The following TMTC1 variants were observed in gnomAD, a reference collection of about 807,000 sequenced individuals.
The protein encoded by TMTC1 is protein O-mannosyl-transferase TMTC1.
In TMTC1, 73 loss-of-function variants were observed where a neutral mutation model predicts 104.8. The observed-to-expected ratio is 0.70, with a 90% CI of 0.58 to 0.85. TMTC1 has a LOEUF of 0.85. TMTC1 is among the 40% of genes least tolerant of loss of function. The probability of loss-of-function intolerance (pLI) is 0.00; values close to 1 mark genes in which losing one functional copy is unlikely to be tolerated. For missense variants in TMTC1, 1,035 were observed against 1,096.1 expected (o/e 0.94, Z 0.79); for synonymous variants, 434 against 428.7 (o/e 1.01, Z -0.15).
rs181818853 is a variant in TMTC1, at chr12:29,646,847, G to C, written c.939-13511C>G. 3.8e-4 allele frequency among the ~76,000 whole-genome samples: 58 copies of C among 152,180 alleles called. 1 individual carries two copies. Among genetic ancestry groups the C allele is most frequent in the African/African-American group, 1.4e-3 (58 of 41,518 alleles). On this transcript the variant is annotated intron_variant, in intron 5 of 17. Transcript: ENST00000539277. ...AACAGGTGGCTCCCCAATTCATTAG[G>C]CTGCTGTTTGATACAAAGATTCTGT...
intron 7 of TMTC1, among the ~76,000 whole-genome samples, chr12:29,596,339 A>T (rs1443955731): frequency 6.6e-6 from 1 of 151,996 alleles, no homozygotes; most frequent in African/African-American, 2.4e-5. Context: ...CAAACTTTGG[A>T]TTTTGCCACA....
intron 10 of TMTC1, among the ~76,000 whole-genome samples, chr12:29,549,683 A>C (rs1275742492): frequency 6.6e-6 from 1 of 152,176 alleles, no homozygotes; most frequent in Non-Finnish European, 1.5e-5. Flanking sequence ...GAAAGAAAGG[A>C]AACTGTAATA....
chr12:29,774,118 C>T (rs1447714940), intron 1 of TMTC1, among the ~76,000 whole-genome samples: 1 of 152,112 alleles, frequency 6.6e-6, no homozygotes, highest in Non-Finnish European at 1.5e-5. Context: ...CTACATTATG[C>T]CAGGGAGATT....
intron 6 of TMTC1, among the ~76,000 whole-genome samples, chr12:29,609,607 A>C (rs922962363): frequency 6.6e-6 from 1 of 152,224 alleles, no homozygotes; most frequent in African/African-American, 2.4e-5. Flanking sequence ...GAGGCTATCA[A>C]AGTTGAAGAT....
chr12:29,602,070 G>A (rs1946581928), intron 7 of TMTC1, among the ~76,000 whole-genome samples: 2 of 151,860 alleles, frequency 1.3e-5, no homozygotes, highest in African/African-American at 4.8e-5. Flanking sequence ...TCCTGACCTC[G>A]TGATCTGCCC....
At chr12:29,669,197 C>G (rs1318276294) in intron 5 of TMTC1, among the ~76,000 whole-genome samples, 1 of 152,048 alleles carries the variant, frequency 6.6e-6, no homozygotes, top group African/African-American at 2.4e-5. Flanking sequence ...ATACAGAGGC[C>G]TAAGATTGAG....
intron 11 of TMTC1, among the ~76,000 whole-genome samples, chr12:29,528,220 C>T (rs1378900651): frequency 6.6e-6 from 1 of 152,136 alleles, no homozygotes; most frequent in Non-Finnish European, 1.5e-5. Context: ...AAGTCCTGAC[C>T]TAAGCCTGAT....
chr12:29,574,322 T>C (rs1945762822), intron 8 of TMTC1, among the ~76,000 whole-genome samples: 1 of 152,204 alleles, frequency 6.6e-6, no homozygotes, highest in Non-Finnish European at 1.5e-5. Context: ...ATAAGTTTTG[T>C]TGGAAATTAA....
intron 5 of TMTC1, among the ~76,000 whole-genome samples, chr12:29,644,744 C>T (rs1355752221): frequency 2.0e-5 from 3 of 152,112 alleles, no homozygotes; most frequent in African/African-American, 7.2e-5. Context: ...GTGTAGTTAG[C>T]AGTTCTGTCC....
At chr12:29,681,866 A>C (rs184975879) in intron 5 of TMTC1, among the ~76,000 whole-genome samples, 2 of 152,338 alleles carry the variant, frequency 1.3e-5, no homozygotes, top group East Asian at 1.9e-4. Context: ...CCATTTAATG[A>C]TATTAGGATT....
intron 5 of TMTC1, among the ~76,000 whole-genome samples, chr12:29,691,452 TGG>T: frequency 9.2e-6 from 1 of 108,964 alleles, no homozygotes; most frequent in Non-Finnish European, 2.0e-5. Flanking sequence ...ATAATAAAAC[TGG>T]TTTCCCACAC....
At chr12:29,643,414 C>T (rs117390541) in intron 5 of TMTC1, among the ~76,000 whole-genome samples, 5,530 of 65,134 alleles carry the variant, frequency 0.085, 165 homozygotes, top group Admixed American at 0.11. Flanking sequence ...CATCAATCAA[C>T]GAGTGGATAA....
intron 5 of TMTC1, among the ~76,000 whole-genome samples, chr12:29,697,710 A>G (rs1941465702): frequency 6.6e-6 from 1 of 152,126 alleles, no homozygotes; most frequent in Admixed American, 6.5e-5. Flanking sequence ...AGGCAGGAAG[A>G]GCTGATTTTG....
intron 6 of TMTC1, chr12:29,613,811 C>A: frequency 3.7e-6 from 1 of 267,098 alleles, no homozygotes; most frequent in Non-Finnish European, 5.8e-6. Context: ...GTTAGGAAGA[C>A]ATCCCTCGGG....
At chr12:29,667,941 G>A (rs1441043407) in intron 5 of TMTC1, among the ~76,000 whole-genome samples, 1 of 152,170 alleles carries the variant, frequency 6.6e-6, no homozygotes, top group Non-Finnish European at 1.5e-5. Context: ...ATGAGGCGGA[G>A]GAGGTACTTA....
chr12:29,759,270 C>T (rs1420185300), intron 2 of TMTC1, among the ~76,000 whole-genome samples: 9 of 152,178 alleles, frequency 5.9e-5, no homozygotes, highest in East Asian at 5.8e-4. Context: ...CCGAGGCTGG[C>T]GGAACACTTG....
At position 29,506,985 on chromosome 12, in the gene TMTC1, C is replaced by T. The variant is rs1282362280; in HGVS notation, c.2510G>A (p.Gly837Glu). The T allele has an allele frequency of 6.2e-7, 1 of 1,613,380 alleles. No homozygotes were observed. The highest frequency in any genetic ancestry group is 8.5e-7 in the Non-Finnish European group (1 of 1,179,376). The change falls in exon 18 of 18, where the codon GGA becomes GAA. Residue 837 changes from glycine to glutamate, a missense_variant and splice_region_variant. Gly to Glu is a moderately conservative substitution (Grantham distance 98). Transcript: ENST00000539277. ...MNMGGIQHIKGKYVSARAYYE... is the reference protein window; with the variant it reads ...MNMGGIQHIKEKYVSARAYYE... ...ATAAGCTCTTGCAGACACATATTTT[C>T]CCTGGGGGTGGGAAAGAGGGAGCAA...
intron 5 of TMTC1, among the ~76,000 whole-genome samples, chr12:29,643,046 TCAA>T (rs1938934564): frequency 6.6e-6 from 1 of 151,940 alleles, no homozygotes; most frequent in Non-Finnish European, 1.5e-5. Context: ...GAAAAAATGC[TCAA>T]CATCACTAAT....
At chr12:29,720,365 G>C (rs2136878381) in intron 5 of TMTC1, among the ~76,000 whole-genome samples, 1 of 152,218 alleles carries the variant, frequency 6.6e-6, no homozygotes, top group South Asian at 2.1e-4. Context: ...GTGCCAGATG[G>C]CCCAGTGTGT....
Sources: allele counts gnomAD v4.1 joint callset (sites outside exome capture counted in the v4.1 genomes callset), GRCh38; gene constraint gnomAD v4.1.1; transcripts MANE v1.5; gene names NCBI Gene and HGNC (gene_info 2026-07-23, HGNC 2026-07-21).